The following CDC14A variants were observed in gnomAD, a reference collection of about 807,000 sequenced individuals.
The protein encoded by CDC14A is dual specificity protein phosphatase CDC14A.
In CDC14A, 53 loss-of-function variants were observed where a neutral mutation model predicts 74.4. The observed-to-expected ratio is 0.71, with a 90% confidence interval of 0.57 to 0.89. CDC14A has a LOEUF of 0.89. Ranked by LOEUF, CDC14A falls within the 40% of genes least tolerant of loss-of-function variation. The pLI, the probability that CDC14A is intolerant of heterozygous loss-of-function variation, is 0.00. For synonymous variants in CDC14A, 247 were observed against 258.4 expected (o/e 0.96, Z 0.43); for missense variants, 646 against 713.7 (o/e 0.91, Z 1.08).
At chr1:100,506,005 A>G (rs1337787690) in intron 15 of CDC14A, among the ~76,000 whole-genome samples, 1 of 152,080 alleles carries the variant, frequency 6.6e-6, no homozygotes, top group East Asian at 1.9e-4. Flanking sequence ...GTGAACTCAT[A>G]GAGTGGGAAC....
At chr1:100,374,523 T>C (rs1046271292) in intron 2 of CDC14A, among the ~76,000 whole-genome samples, 2 of 152,234 alleles carry the variant, frequency 1.3e-5, no homozygotes, top group Admixed American at 6.5e-5. Context: ...TGGTATCTCA[T>C]TGTAGTTTTG....
intron 10 of CDC14A, among the ~76,000 whole-genome samples, chr1:100,468,489 A>G (rs1668064958): frequency 6.6e-6 from 1 of 152,212 alleles, no homozygotes; most frequent in African/African-American, 2.4e-5. Flanking sequence ...TTTTGGTAAG[A>G]TTGCTGCTCT....
rs1387872176 is a variant in CDC14A, at chr1:100,394,351, C to T, written c.309+3527C>T. 9.2e-5 allele frequency among the ~76,000 whole-genome samples: 14 copies of T among 152,316 alleles called. No homozygotes were observed. The South Asian group carries it at 2.9e-3, about 32-fold the overall frequency. The stretch of plus-strand genomic sequence containing the variant: ...AGCCTGGCTTCAGGACTCCTGGCCT[C>T]AAGTGATCCCCCTGCTCTGGCCTCC... On this transcript the variant is annotated intron_variant, in intron 4 of 15. Transcript: ENST00000336454.
At chr1:100,356,853 C>CT (rs1444852427) in intron 2 of CDC14A, among the ~76,000 whole-genome samples, 1 of 108,268 alleles carries the variant, frequency 9.2e-6, no homozygotes, top group Non-Finnish European at 1.8e-5. Flanking sequence ...GAGCAAGACT[C>CT]TGTCTAAAAA....
intron 2 of CDC14A, among the ~76,000 whole-genome samples, chr1:100,372,857 G>A (rs567299571): frequency 6.8e-4 from 104 of 152,280 alleles, no homozygotes; most frequent in Non-Finnish European, 1.1e-3. Flanking sequence ...AACCTTCATA[G>A]AATTGAAGAG....
At chr1:100,476,646 T>G (rs1015532804) in intron 10 of CDC14A, among the ~76,000 whole-genome samples, 1 of 152,042 alleles carries the variant, frequency 6.6e-6, no homozygotes, top group Non-Finnish European at 1.5e-5. Flanking sequence ...GATTTTAAAT[T>G]TTACTTATGG....
intron 2 of CDC14A, among the ~76,000 whole-genome samples, chr1:100,359,235 CAATT>C (rs373754165): frequency 5.2e-4 from 79 of 152,336 alleles, no homozygotes; most frequent in African/African-American, 1.7e-3. Flanking sequence ...CACATTAACT[CAATT>C]AATCCTCAGA....
intron 11 of CDC14A, among the ~76,000 whole-genome samples, chr1:100,490,699 A>AG (rs1331133544): frequency 2.0e-5 from 3 of 152,162 alleles, no homozygotes; most frequent in African/African-American, 7.2e-5. Context: ...TATGCAAATG[A>AG]GGGGGGTCGT....
At chr1:100,497,100 G>A (rs186883854) in intron 13 of CDC14A, among the ~76,000 whole-genome samples, 4 of 152,248 alleles carry the variant, frequency 2.6e-5, no homozygotes, top group Admixed American at 2.0e-4. Context: ...GACGCAATAT[G>A]GTATAAGAGC....
intron 2 of CDC14A, among the ~76,000 whole-genome samples, chr1:100,372,261 G>A (rs1315710434): frequency 6.6e-6 from 1 of 152,220 alleles, no homozygotes; most frequent in South Asian, 2.1e-4. Context: ...GTTGCTGAAG[G>A]TTGGGGTGGC....
chr1:100,468,888 T>C (rs1053729050), intron 10 of CDC14A, among the ~76,000 whole-genome samples: 12 of 152,106 alleles, frequency 7.9e-5, no homozygotes, highest in Non-Finnish European at 1.0e-4. Flanking sequence ...TTTTTTTTTC[T>C]TTTTATGCTG....
chr1:100,391,045 A>G, intron 4 of CDC14A: 1 of 568,970 alleles, frequency 1.8e-6, no homozygotes, highest in Non-Finnish European at 3.2e-6. Context: ...TGAAACTGCA[A>G]TATGTAGCTT....
At chr1:100,518,134 C>G in intron 15 of CDC14A, 117 bp from the exon 16 acceptor site, 1 of 684,026 alleles carries the variant, frequency 1.5e-6, no homozygotes, top group Admixed American at 2.3e-5. Flanking sequence ...TCTGTTTTGG[C>G]TTAGTTTATT....
intron 15 of CDC14A, among the ~76,000 whole-genome samples, chr1:100,514,803 ATATC>A (rs1650055870): frequency 6.6e-6 from 1 of 152,242 alleles, no homozygotes; most frequent in African/African-American, 2.4e-5. Flanking sequence ...GTCAAGTAAT[ATATC>A]TAATTTGTTA....
chr1:100,378,506 T>A (rs1655622635), intron 3 of CDC14A, among the ~76,000 whole-genome samples: 1 of 152,204 alleles, frequency 6.6e-6, no homozygotes. Flanking sequence ...TTAACTGTTC[T>A]GTGATTATTT....
intron 4 of CDC14A, among the ~76,000 whole-genome samples, chr1:100,410,477 C>T (rs1226096981): frequency 2.7e-5 from 4 of 150,894 alleles, no homozygotes; most frequent in Non-Finnish European, 4.4e-5. Flanking sequence ...TATGCCACCA[C>T]GCCCAGCTAA....
At chr1:100,360,322 A>C (rs952638911) in intron 2 of CDC14A, among the ~76,000 whole-genome samples, 3 of 149,898 alleles carry the variant, frequency 2.0e-5, no homozygotes, top group Admixed American at 6.7e-5. Flanking sequence ...GGAAGTAGAT[A>C]TATCTGTGTA....
intron 4 of CDC14A, among the ~76,000 whole-genome samples, chr1:100,414,972 G>A (rs996899169): frequency 6.6e-6 from 1 of 152,110 alleles, no homozygotes; most frequent in African/African-American, 2.4e-5. Context: ...AACCAGCTCA[G>A]TGAGGTCTAT....
At position 100,455,533 on chromosome 1, in the gene CDC14A, A is replaced by G. The variant is rs759587236; in HGVS notation, c.607+41A>G. 6 of 1,096,828 alleles carry G rather than the reference A, an allele frequency of 5.5e-6. No individual in the cohort carries two copies. In the South Asian group the frequency reaches 5.6e-5, roughly 10 times the overall value. The allele number at this position is 1,096,828 out of a possible 1,614,324, so 67.9% of individuals were successfully genotyped here. A position where few individuals can be genotyped will look rare whatever the true frequency, so the allele number is the denominator to read the frequency against. ...CTTTACCATCCAAACATTTATTTTG[A>G]TTTATCTTTCTAAGTTTCTTAACTT... On this transcript the variant is annotated intron_variant, in intron 8 of 15. Coordinates refer to ENST00000336454, the MANE Select transcript of CDC14A (RefSeq NM_003672.4).
Sources: gnomAD v4.1 joint callset for allele counts (sites outside exome capture counted in the v4.1 genomes callset) on GRCh38, gnomAD v4.1.1 for gene constraint, MANE v1.5 for transcripts, NCBI Gene and HGNC (gene_info 2026-07-23, HGNC 2026-07-21) for gene names.